Variants in CCDC7 observed in about 807,000 individuals in gnomAD.
CCDC7 encodes the protein coiled-coil domain containing 7.
Under a neutral mutation model 196.9 loss-of-function variants are expected in CCDC7, and 183 were observed. The ratio of observed to expected loss-of-function variants is 0.93; its 90% CI spans 0.82 to 1.05. CCDC7 has a LOEUF of 1.05. Ranked by LOEUF, CCDC7 falls within the 50% of genes least tolerant of loss-of-function variation. The pLI is 0.00. For synonymous variants in CCDC7, 525 were observed against 484.6 expected (o/e 1.08, Z -1.10); for missense variants, 1,540 against 1,482.2 (o/e 1.04, Z -0.64).
intron 8 of CCDC7, among the ~76,000 whole-genome samples, chr10:32,483,864 T>C (rs1290032080): frequency 6.6e-6 from 1 of 152,238 alleles, no homozygotes; most frequent in East Asian, 1.9e-4. Flanking sequence ...TATCTCTGTT[T>C]TGATACCAGT....
At chr10:32,764,485 C>T (rs1234472100) in intron 28 of CCDC7, among the ~76,000 whole-genome samples, 2 of 151,650 alleles carry the variant, frequency 1.3e-5, no homozygotes, top group Non-Finnish European at 2.9e-5. Flanking sequence ...TTTAATGTTG[C>T]AGCATGGAGG....
At chr10:32,477,222 T>TG (rs1373205591) in intron 8 of CCDC7, among the ~76,000 whole-genome samples, 1 of 152,034 alleles carries the variant, frequency 6.6e-6, no homozygotes, top group Non-Finnish European at 1.5e-5. Flanking sequence ...TAATTTTTTT[T>TG]TTTTTGAGAT....
At chr10:32,496,938 A>G (rs150669392) in intron 9 of CCDC7, among the ~76,000 whole-genome samples, 2,191 of 151,932 alleles carry the variant, frequency 0.014, 52 homozygotes, top group African/African-American at 0.05. Context: ...CTCTTTTTCT[A>G]TTGTTTGGAA....
At chr10:32,562,603 G>C (rs1215784078) in intron 13 of CCDC7, among the ~76,000 whole-genome samples, 4 of 152,078 alleles carry the variant, frequency 2.6e-5, no homozygotes, top group East Asian at 1.9e-4. Context: ...ATTCAACAAC[G>C]CTTCATGCTA....
chr10:32,627,424 G>A (rs2064211448), intron 18 of CCDC7, among the ~76,000 whole-genome samples: 1 of 151,718 alleles, frequency 6.6e-6, no homozygotes, highest in South Asian at 2.1e-4. Context: ...AGTCATAAGG[G>A]TTTTTATGTA....
intron 20 of CCDC7, among the ~76,000 whole-genome samples, chr10:32,646,504 G>A (rs2067794952): frequency 6.6e-6 from 1 of 152,018 alleles, no homozygotes; most frequent in African/African-American, 2.4e-5. Context: ...CTAGCTGTTG[G>A]GTGACACGTA....
chr10:32,563,447 C>A (rs2056161739), intron 13 of CCDC7, among the ~76,000 whole-genome samples: 1 of 152,164 alleles, frequency 6.6e-6, no homozygotes, highest in Admixed American at 6.5e-5. Context: ...GGTACCAAAA[C>A]AGAGATATAG....
At chr10:32,478,374 G>A (rs895060652) in intron 8 of CCDC7, among the ~76,000 whole-genome samples, 1 of 152,116 alleles carries the variant, frequency 6.6e-6, no homozygotes, top group Non-Finnish European at 1.5e-5. Flanking sequence ...GGGCATGCTT[G>A]CCTTCTTCCT....
intron 28 of CCDC7, among the ~76,000 whole-genome samples, chr10:32,743,714 C>T (rs1413905655): frequency 1.3e-5 from 2 of 151,992 alleles, no homozygotes; most frequent in Non-Finnish European, 2.9e-5. Context: ...GCACTATTCA[C>T]AATAGCAAAG....
At chr10:32,698,118 C>T (rs2078033908) in intron 24 of CCDC7, among the ~76,000 whole-genome samples, 1 of 152,138 alleles carries the variant, frequency 6.6e-6, no homozygotes, top group African/African-American at 2.4e-5. Context: ...AGGGTCCTGA[C>T]TGTTAGAAGA....
chr10:32,502,586 T>C (rs1171242613), intron 9 of CCDC7, among the ~76,000 whole-genome samples: 1 of 152,178 alleles, frequency 6.6e-6, no homozygotes, highest in Non-Finnish European at 1.5e-5. Flanking sequence ...GATTTTGAGA[T>C]AATGTGATGC....
chr10:32,798,148 G>A (rs531950530), intron 29 of CCDC7, among the ~76,000 whole-genome samples: 156 of 152,332 alleles, frequency 1.0e-3, no homozygotes, highest in African/African-American at 3.5e-3. Flanking sequence ...ACTGGAGTAC[G>A]TGTCTATTCT....
chr10:32,575,062 A>C (rs569454569), intron 16 of CCDC7, among the ~76,000 whole-genome samples: 1 of 152,342 alleles, frequency 6.6e-6, no homozygotes, highest in East Asian at 1.9e-4. Flanking sequence ...AAAATAAACA[A>C]GTAAAAATAA....
At chr10:32,866,751 G>A (rs2094212180) in intron 41 of CCDC7, among the ~76,000 whole-genome samples, 1 of 151,578 alleles carries the variant, frequency 6.6e-6, no homozygotes, top group Admixed American at 6.6e-5. Flanking sequence ...AATTGCAATA[G>A]ATTTTTAAAA....
chr10:32,500,017 A>G (rs1250516855), intron 9 of CCDC7, among the ~76,000 whole-genome samples: 4 of 152,214 alleles, frequency 2.6e-5, no homozygotes, highest in African/African-American at 7.2e-5. Context: ...ACACAGACAC[A>G]GTAACAATCT....
rs532494087 is a variant in CCDC7, at chr10:32,672,144, T to C, written c.2122+7983T>C. Among the ~76,000 whole-genome samples, 44 of 152,262 alleles carry C rather than the reference T, an allele frequency of 2.9e-4. 1 individual carries two copies. In the East Asian group the frequency reaches 7.0e-3, roughly 24 times the overall value. ...AGCATGGTTCTGGGACCCAGGGCAG[T>C]AACAGCACTTATGCCCAGGGCACAT... On this transcript the variant is annotated intron_variant, in intron 21 of 41. Transcript: ENST00000639629.
At chr10:32,470,923 T>C (rs2037814405) in intron 5 of CCDC7, 141 bp from the exon 7 acceptor site, 1 of 733,944 alleles carries the variant, frequency 1.4e-6, no homozygotes, top group Non-Finnish European at 2.0e-6. Flanking sequence ...TTGTAAAATA[T>C]TGTATCATTA....
At chr10:32,556,289 C>T (rs564811541) in intron 13 of CCDC7, among the ~76,000 whole-genome samples, 7 of 152,156 alleles carry the variant, frequency 4.6e-5, no homozygotes, top group African/African-American at 7.2e-5. Context: ...TAAAAAGAGA[C>T]GCCATATAAT....
intron 20 of CCDC7, among the ~76,000 whole-genome samples, chr10:32,646,296 C>A (rs1387783439): frequency 6.6e-6 from 1 of 150,856 alleles, no homozygotes; most frequent in East Asian, 1.9e-4. Context: ...TTGTTTTTTT[C>A]ATGAACATGT....
Sources: allele counts gnomAD v4.1 joint callset (sites outside exome capture counted in the v4.1 genomes callset), GRCh38; gene constraint gnomAD v4.1.1; transcripts MANE v1.5; gene names NCBI Gene and HGNC (gene_info 2026-07-23, HGNC 2026-07-21).